ULK4: variants seen among roughly 807,000 people sequenced by gnomAD.
The protein encoded by ULK4 is unc-51 like kinase 4.
Under a neutral mutation model 160.6 loss-of-function variants are expected in ULK4, and 133 were observed. The ratio of observed to expected loss-of-function variants is 0.83; its 90% CI spans 0.72 to 0.96. The LOEUF (loss-of-function observed/expected upper bound fraction) is 0.96. ULK4 is among the 40% of genes least tolerant of loss of function. ULK4 has a pLI of 0.00. For missense variants in ULK4, 1,580 were observed against 1,499.5 expected, an observed-to-expected ratio of 1.05 and a Z score of -0.89; for synonymous variants, 534 against 539.8, an observed-to-expected ratio of 0.99 and a Z score of 0.15.
At chr3:41,620,705 C>A (rs537160776) in intron 30 of ULK4, among the ~76,000 whole-genome samples, 2 of 152,130 alleles carry the variant, frequency 1.3e-5, no homozygotes, top group African/African-American at 4.8e-5. Flanking sequence ...AAAACCGGCA[C>A]AAGACAAGGA....
intron 35 of ULK4, among the ~76,000 whole-genome samples, chr3:41,353,261 C>T (rs1228793910): frequency 6.6e-6 from 1 of 152,172 alleles, no homozygotes; most frequent in Non-Finnish European, 1.5e-5. Context: ...ATTGACCTAC[C>T]TCACCAACTA....
At chr3:41,831,007 ATTTTTTTT>A (rs1559590035) in intron 18 of ULK4, among the ~76,000 whole-genome samples, 4 of 146,660 alleles carry the variant, frequency 2.7e-5, no homozygotes, top group African/African-American at 1.1e-4. Context: ...TGTTTTTATT[ATTTTTTTT>A]ATTTATTTAT....
intron 32 of ULK4, among the ~76,000 whole-genome samples, chr3:41,473,430 G>A (rs2084045469): frequency 6.6e-6 from 1 of 152,064 alleles, no homozygotes; most frequent in Non-Finnish European, 1.5e-5. Flanking sequence ...GGGAGGCCAA[G>A]GCAGGAGGAT....
At chr3:41,768,237 G>T (rs2125915740) in intron 21 of ULK4, among the ~76,000 whole-genome samples, 1 of 152,232 alleles carries the variant, frequency 6.6e-6, no homozygotes, top group Middle Eastern at 3.4e-3. Flanking sequence ...TGCCAAAAAG[G>T]GTGGAGACCA....
chr3:41,566,165 A>G (rs1269505082), intron 31 of ULK4, 35 bp from the exon 32 acceptor site: 2 of 1,547,150 alleles, frequency 1.3e-6, no homozygotes, highest in East Asian at 2.3e-5. Context: ...ATAACCATAC[A>G]GAAATACAAT....
At chr3:41,539,984 AGAG>A (rs956776012) in intron 32 of ULK4, among the ~76,000 whole-genome samples, 91 of 152,332 alleles carry the variant, frequency 6.0e-4, no homozygotes, top group African/African-American at 2.1e-3. Flanking sequence ...AGCCAAAGTT[AGAG>A]GAGAATATTT....
At chr3:41,558,703 CA>C (rs35292019) in intron 32 of ULK4, among the ~76,000 whole-genome samples, 5 of 138,804 alleles carry the variant, frequency 3.6e-5, no homozygotes, top group Non-Finnish European at 1.5e-5. Context: ...GACTCCATCT[CA>C]AAAAAAAAAG....
chr3:41,318,951 C>T (rs189593326), intron 35 of ULK4, among the ~76,000 whole-genome samples: 30 of 152,054 alleles, frequency 2.0e-4, no homozygotes, highest in Admixed American at 1.3e-3. Context: ...AAAAGAACTA[C>T]GGTATGGAAG....
intron 34 of ULK4, among the ~76,000 whole-genome samples, chr3:41,426,527 C>T (rs1048339951): frequency 6.6e-6 from 1 of 152,114 alleles, no homozygotes; most frequent in Non-Finnish European, 1.5e-5. Context: ...TGAAGCAAAA[C>T]ACTCCTCAGA....
At chr3:41,922,670 G>A (rs1399356136) in intron 5 of ULK4, among the ~76,000 whole-genome samples, 1 of 151,994 alleles carries the variant, frequency 6.6e-6, no homozygotes, top group Non-Finnish European at 1.5e-5. Context: ...CTGTTAGTCT[G>A]GGTCCCCCAA....
At chr3:41,853,391 A>G (rs2042261880) in intron 17 of ULK4, among the ~76,000 whole-genome samples, 2 of 152,206 alleles carry the variant, frequency 1.3e-5, no homozygotes, top group African/African-American at 2.4e-5. Flanking sequence ...GATATGGGGT[A>G]CAGCCTGGGC....
chr3:41,928,814 C>T (rs149592121), intron 5 of ULK4, among the ~76,000 whole-genome samples: 1,584 of 152,100 alleles, frequency 0.01, 33 homozygotes, highest in African/African-American at 0.036. Context: ...CTGAATAGAC[C>T]AGTAACAAGT....
intron 4 of ULK4, among the ~76,000 whole-genome samples, chr3:41,934,074 T>A (rs570589279): frequency 6.6e-6 from 1 of 152,238 alleles, no homozygotes; most frequent in Admixed American, 6.5e-5. Context: ...ATTTTAAAAA[T>A]GTGGTTTTTA....
At chr3:41,440,320 T>C (rs1271628866) in intron 34 of ULK4, among the ~76,000 whole-genome samples, 2 of 152,182 alleles carry the variant, frequency 1.3e-5, no homozygotes, top group Non-Finnish European at 2.9e-5. Flanking sequence ...TTAAGTATAA[T>C]GCTAACTGTA....
At chr3:41,562,274 C>T (rs1235053701) in intron 32 of ULK4, among the ~76,000 whole-genome samples, 1 of 152,194 alleles carries the variant, frequency 6.6e-6, no homozygotes, top group East Asian at 1.9e-4. Flanking sequence ...GAGTGCTTTA[C>T]TTCCAATTAT....
At position 41,836,419 on chromosome 3, in the gene ULK4, C is replaced by G. The variant is rs115411727; in HGVS notation, c.1657-448G>C. 4.0e-3 allele frequency among the ~76,000 whole-genome samples: 604 copies of G among 152,290 alleles called. 4 individuals carry two copies. Among genetic ancestry groups the G allele is most frequent in the African/African-American group, 0.014 (571 of 41,542 alleles). On this transcript the variant is annotated intron_variant, in intron 17 of 36. Coordinates refer to ENST00000301831, the MANE Select transcript of ULK4 (RefSeq NM_017886.4). ...AACTCCTGGCCTCAAGATCCACCCA[C>G]CTCGACCTCCCAAAGTGCTGGGATT...
chr3:41,638,920 A>G (rs1051993719), intron 30 of ULK4, among the ~76,000 whole-genome samples: 2 of 152,242 alleles, frequency 1.3e-5, no homozygotes, highest in East Asian at 3.8e-4. Flanking sequence ...AGGGAGGATA[A>G]CATCAAAAAA....
chr3:41,499,084 T>C (rs951819939), intron 32 of ULK4, among the ~76,000 whole-genome samples: 27 of 152,186 alleles, frequency 1.8e-4, no homozygotes, highest in African/African-American at 6.3e-4. Context: ...CAACTAAGTA[T>C]TACATTATTC....
intron 35 of ULK4, among the ~76,000 whole-genome samples, chr3:41,336,412 G>C (rs191509913): frequency 9.2e-5 from 14 of 152,282 alleles, no homozygotes; most frequent in Non-Finnish European, 7.4e-5. Flanking sequence ...GTCCAAATTA[G>C]GGAAGAAAAA....
Sources: allele counts gnomAD v4.1 joint callset (sites outside exome capture counted in the v4.1 genomes callset), GRCh38; gene constraint gnomAD v4.1.1; transcripts MANE v1.5; gene names NCBI Gene and HGNC (gene_info 2026-07-23, HGNC 2026-07-21).